The following CIAPIN1 variants were observed in gnomAD, a reference collection of about 807,000 sequenced individuals.
The protein encoded by CIAPIN1 is cytokine induced apoptosis inhibitor 1.
CIAPIN1 carries 18 observed loss-of-function variants against 34.3 expected under a neutral mutation model. The observed-to-expected ratio is 0.52, with a 90% CI of 0.36 to 0.78. The LOEUF (loss-of-function observed/expected upper bound fraction) is 0.78. CIAPIN1 is among the 30% of genes least tolerant of loss of function. The probability of loss-of-function intolerance (pLI) is 0.00; values close to 1 mark genes in which losing one functional copy is unlikely to be tolerated. For missense variants in CIAPIN1, 310 were observed against 372.5 expected (o/e 0.83, Z 1.38); for synonymous variants, 131 against 140.4 (o/e 0.93, Z 0.47).
chr16:57,434,024 T>A lies in CIAPIN1; in HGVS notation c.556+20A>T, dbSNP rs77603394. The stretch of plus-strand genomic sequence containing the variant: ...CTCTAAGCCCATTCAAACAGAAGAA[T>A]GTCCCTAGGCCAGCCTTACCTGAAG... On this transcript the variant is annotated intron_variant, in intron 5 of 8. Coordinates refer to ENST00000394391, the MANE Select transcript of CIAPIN1 (RefSeq NM_020313.4). 2.9e-3 allele frequency: 4,736 copies of A among 1,611,782 alleles called. 110 individuals are homozygous for A. In the African/African-American group the frequency reaches 0.052, roughly 18 times the overall value.
chr16:57,438,588 G>A (rs1267297964), intron 3 of CIAPIN1, among the ~76,000 whole-genome samples: 2 of 152,066 alleles, frequency 1.3e-5, no homozygotes, highest in East Asian at 1.9e-4. Context: ...TTGGCAGAAG[G>A]GGGCTATATA....
chr16:57,434,142 T>C lies in CIAPIN1; in HGVS notation c.458A>G (p.Asn153Ser). 3 of 1,614,182 alleles carry C rather than the reference T, an allele frequency of 1.9e-6. No individual in the cohort carries two copies. The highest frequency in any genetic ancestry group is 2.5e-6 in the Non-Finnish European group (3 of 1,180,012). ...VREHLGHESD[N>S]LLFVQITGKK... Reference sequence around the variant, plus strand: ...GCCTGTGATCTGAACAAACAGCAGGTTGTCACTTTCATGACCAAGGTGTTC... The same window carrying C: ...GCCTGTGATCTGAACAAACAGCAGGCTGTCACTTTCATGACCAAGGTGTTC... The change falls in exon 5 of 9, where the codon AAC (asparagine) becomes AGC (serine). Residue 153 changes from asparagine (N) to serine (S), a missense_variant. Asn to Ser is a conservative substitution (Grantham distance 46). Coordinates refer to ENST00000394391, the MANE Select transcript of CIAPIN1 (RefSeq NM_020313.4).
At chr16:57,432,163 A>C (rs1218934137) in intron 6 of CIAPIN1, among the ~76,000 whole-genome samples, 1 of 152,158 alleles carries the variant, frequency 6.6e-6, no homozygotes, top group Non-Finnish European at 1.5e-5. Context: ...AAAACGCAAA[A>C]ATTGGCCAGG....
At chr16:57,440,175 G>A (rs755487487) in intron 2 of CIAPIN1, among the ~76,000 whole-genome samples, 6 of 152,294 alleles carry the variant, frequency 3.9e-5, no homozygotes, top group East Asian at 1.9e-4. Flanking sequence ...CTGGTCTCCC[G>A]TAGCACTCCC....
At chr16:57,440,475 G>A (rs935753263) in intron 2 of CIAPIN1, among the ~76,000 whole-genome samples, 3 of 152,004 alleles carry the variant, frequency 2.0e-5, no homozygotes, top group Non-Finnish European at 4.4e-5. Flanking sequence ...GGGGCATCAC[G>A]GAACCCGCCG....
chr16:57,440,950 G>A lies in CIAPIN1; in HGVS notation c.-22C>T. On this transcript the variant is annotated 5_prime_UTR_variant, in exon 2 of 9. Transcript: ENST00000394391. ...CCATTCTTGCAGTGCAGTACTGACA[G>A]ACCTAAAAACTGCTGGCCAAAAGGG... 1 of 1,600,888 alleles carries A rather than the reference G, an allele frequency of 6.2e-7. No individual in the cohort carries two copies. The highest frequency in any genetic ancestry group is 1.8e-5 in the Admixed American group (1 of 56,088).
intron 2 of CIAPIN1, 27 bp from the exon 3 acceptor site, chr16:57,439,361 A>G (rs1275615482): frequency 6.2e-7 from 1 of 1,613,636 alleles, no homozygotes; most frequent in Middle Eastern, 1.7e-4. Flanking sequence ...TCTAATTAGC[A>G]ATCTCCTGAG....
intron 5 of CIAPIN1, among the ~76,000 whole-genome samples, chr16:57,433,070 A>G (rs1382509408): frequency 2.0e-5 from 3 of 152,270 alleles, no homozygotes; most frequent in Non-Finnish European, 4.4e-5. Context: ...CTTCAAAAAT[A>G]GCAGAGCTTT....
chr16:57,430,516 G>A, intron 7 of CIAPIN1, 177 bp from the exon 8 acceptor site: 1 of 616,588 alleles, frequency 1.6e-6, no homozygotes, highest in South Asian at 1.9e-5. Flanking sequence ...ACAGAAGTGG[G>A]AGGAGGATGA....
At chr16:57,442,264 T>C (rs1598029268) in intron 1 of CIAPIN1, among the ~76,000 whole-genome samples, 1 of 152,210 alleles carries the variant, frequency 6.6e-6, no homozygotes, top group East Asian at 1.9e-4. Context: ...GAGAATCGCT[T>C]GAACCTGGGA....
intron 1 of CIAPIN1, among the ~76,000 whole-genome samples, chr16:57,446,546 G>A (rs563093079): frequency 3.2e-4 from 48 of 152,260 alleles, no homozygotes; most frequent in Admixed American, 1.6e-3. Context: ...CCCAAAAACC[G>A]TTTACTTCTT....
At chr16:57,444,381 A>G (rs189813690) in intron 1 of CIAPIN1, among the ~76,000 whole-genome samples, 211 of 152,138 alleles carry the variant, frequency 1.4e-3, no homozygotes, top group Middle Eastern at 0.01. Context: ...ATGTTCTAGA[A>G]CTCTGGGCTT....
chr16:57,443,924 TAAGA>T (rs1231662529), intron 1 of CIAPIN1, among the ~76,000 whole-genome samples: 2 of 151,144 alleles, frequency 1.3e-5, no homozygotes, highest in East Asian at 3.9e-4. Flanking sequence ...CATTAAGTTA[TAAGA>T]AAAAAAAAAT....
At chr16:57,439,425 CCCTG>C in intron 2 of CIAPIN1, 91 bp from the exon 3 acceptor site, 1 of 1,359,898 alleles carries the variant, frequency 7.4e-7, no homozygotes, top group Non-Finnish European at 1.0e-6. Context: ...ACAGACCTCA[CCCTG>C]AGAGAATGGA....
intron 3 of CIAPIN1, among the ~76,000 whole-genome samples, chr16:57,438,704 C>T (rs1281935624): frequency 1.3e-5 from 2 of 152,220 alleles, no homozygotes; most frequent in Admixed American, 1.3e-4. Flanking sequence ...CCCTTTATAG[C>T]TCCACCAACC....
At chr16:57,440,140 T>C (rs529447463) in intron 2 of CIAPIN1, among the ~76,000 whole-genome samples, 1 of 152,292 alleles carries the variant, frequency 6.6e-6, no homozygotes, top group South Asian at 2.1e-4. Context: ...TCTTATATGG[T>C]TGCAGATAAG....
intron 4 of CIAPIN1, 61 bp from the exon 5 acceptor site, chr16:57,434,273 C>G: frequency 6.6e-7 from 1 of 1,526,152 alleles, no homozygotes; most frequent in Non-Finnish European, 9.1e-7. Flanking sequence ...TTTACTATGT[C>G]TACCTACACA....
rs4784806 is a variant in CIAPIN1, at chr16:57,443,267, G to A, written c.-55-2284C>T. Among the ~76,000 whole-genome samples the A allele has an allele frequency of 8.7e-3, 1,312 of 151,548 alleles. 36 individuals are homozygous for A. Among genetic ancestry groups the A allele is most frequent in the East Asian group, 0.079 (404 of 5,138 alleles). On this transcript the variant is annotated intron_variant, in intron 1 of 8. Transcript: ENST00000394391. ...CGATTCTCACGCCTCAGTTTCCTGA[G>A]TAGCTGGGATTACAGGCGTGCACCA...
At chr16:57,431,611 G>C (rs1426800512) in intron 6 of CIAPIN1, 1 of 176,352 alleles carries the variant, frequency 5.7e-6, no homozygotes. Context: ...CAGAGAAAGA[G>C]AGAAGTGTTT....
Sources: allele counts gnomAD v4.1 joint callset (sites outside exome capture counted in the v4.1 genomes callset), GRCh38; gene constraint gnomAD v4.1.1; transcripts MANE v1.5; gene names NCBI Gene and HGNC (gene_info 2026-07-23, HGNC 2026-07-21).